DKK3: variants seen among roughly 807,000 people sequenced by gnomAD.
The protein encoded by DKK3 is dickkopf Wnt signaling pathway inhibitor 3.
DKK3 carries 22 observed loss-of-function variants against 33.2 expected under a neutral mutation model. That is an observed-to-expected ratio of 0.66 (90% CI 0.47 to 0.95). The LOEUF (loss-of-function observed/expected upper bound fraction) is 0.95, where lower values mean the gene tolerates loss of function less well. Among genes scored for constraint, DKK3 ranks in the 40% least tolerant of loss-of-function variants. DKK3 has a pLI of 0.00. For missense variants in DKK3, 398 were observed against 458.4 expected (o/e 0.87, Z 1.20); for synonymous variants, 194 against 188.8 (o/e 1.03, Z -0.23).
chr11:12,008,805 G>C, upstream of DKK3: 1 of 1,180,536 alleles, frequency 8.5e-7, no homozygotes. This position sits in a 1 kb window ranked among gnomAD's most constrained non-coding sequence, Gnocchi z 4.6. Flanking sequence ...GCTCCAGCCC[G>C]AGCCCCGATC....
At chr11:11,983,318 G>C (rs1181885653) in intron 3 of DKK3, among the ~76,000 whole-genome samples, 1 of 152,220 alleles carries the variant, frequency 6.6e-6, no homozygotes. Flanking sequence ...TGGTTCCTCA[G>C]GAGACAGTGC....
chr11:11,978,956 T>C (rs1450601323), intron 3 of DKK3: 2 of 152,094 alleles, frequency 1.3e-5, no homozygotes, highest in African/African-American at 4.8e-5. Context: ...GGAGCTGGGA[T>C]GTGAAGCAGC....
chr11:11,976,079 G>A (rs978051133), intron 3 of DKK3, among the ~76,000 whole-genome samples: 5 of 152,176 alleles, frequency 3.3e-5, no homozygotes, highest in Non-Finnish European at 5.9e-5. Context: ...CTTAACTCAC[G>A]GCAGGAGCTC....
At chr11:11,978,584 GC>G (rs1437531062) in intron 3 of DKK3, among the ~76,000 whole-genome samples, 1 of 150,842 alleles carries the variant, frequency 6.6e-6, no homozygotes, top group African/African-American at 2.4e-5. Context: ...TCTATATGTT[GC>G]CCAAGCTGGC....
intron 1 of DKK3, among the ~76,000 whole-genome samples, chr11:12,003,610 C>T (rs1338548708): frequency 1.3e-5 from 2 of 152,086 alleles, no homozygotes; most frequent in African/African-American, 4.8e-5. Context: ...AGGGAGGCCA[C>T]ATCATAGACT....
intron 3 of DKK3, among the ~76,000 whole-genome samples, chr11:11,974,532 C>A (rs1405727453): frequency 6.6e-6 from 1 of 152,246 alleles, no homozygotes; most frequent in East Asian, 1.9e-4. Context: ...GAAAAGGGGA[C>A]CAAACTTGCC....
In DKK3 at chr11:11,964,556, G is replaced by C. The variant is rs762894609; in HGVS notation, c.961C>G (p.Leu321Val). Residue 321 changes from leucine to valine, a missense_variant, in exon 7 of 7, where the codon CTG becomes GTG. Physicochemically the swap from Leu to Val is conservative, Grantham distance 32. Coordinates refer to ENST00000683431, the MANE Select transcript of DKK3 (RefSeq NM_001018057.2). Reference protein sequence around the residue: ...GSFMEEVRQELEDLERSLTEE... With the variant: ...GSFMEEVRQEVEDLERSLTEE... ...GTCAGGCTCCTCTCCAGGTCCTCCA[G>C]CTCCTGGCGCACCTCCTCCATGAAG... 2.5e-6 allele frequency: 4 copies of C among 1,614,160 alleles called. No homozygotes were observed. The South Asian group carries it at 4.4e-5, about 18-fold the overall frequency.
chr11:11,982,671 T>A lies in DKK3; in HGVS notation c.436-14184A>T, dbSNP rs10765916. 2.0e-5 allele frequency among the ~76,000 whole-genome samples: 3 copies of A among 152,026 alleles called. No individual in the cohort carries two copies. In the South Asian group the frequency reaches 6.2e-4, roughly 32 times the overall value. On this transcript the variant is annotated intron_variant, in intron 3 of 6. Transcript: ENST00000683431. ...CCACAGAGTTCTGGGCCTTCCCGCT[T>A]CCATGGGCCAGGGAGAGCACAGCCA...
chr11:11,972,180 T>C (rs1187987095), intron 3 of DKK3, among the ~76,000 whole-genome samples: 2 of 152,218 alleles, frequency 1.3e-5, no homozygotes, highest in African/African-American at 4.8e-5. Flanking sequence ...GCAGGAGCTG[T>C]TTTGCAGGGC....
chr11:11,979,185 G>A (rs1847902977), intron 3 of DKK3: 1 of 152,318 alleles, frequency 6.6e-6, no homozygotes. Flanking sequence ...CCAACCCGCA[G>A]GGAGCTCCAA....
In DKK3 at chr11:11,964,404, A is replaced by G; in HGVS notation, c.*60T>C. On this transcript the variant is annotated 3_prime_UTR_variant, in exon 7 of 7. Transcript: ENST00000683431. Reference sequence around the variant, plus strand: ...CCTGGTCAGCCCACGCCTAAAGCACACACCTGGGGAAATAAATTAGCTATT... The same window carrying G: ...CCTGGTCAGCCCACGCCTAAAGCACGCACCTGGGGAAATAAATTAGCTATT... 2.5e-6 allele frequency: 4 copies of G among 1,577,290 alleles called. No individual in the cohort carries two copies. Among genetic ancestry groups the G allele is most frequent in the Non-Finnish European group, 3.4e-6 (4 of 1,166,316 alleles).
At chr11:11,967,184 GCCAACCTGCAT>G in intron 4 of DKK3, 86 bp from the exon 5 acceptor site, 1 of 1,492,756 alleles carries the variant, frequency 6.7e-7, no homozygotes, top group South Asian at 1.3e-5. Context: ...CCACAGATAG[GCCAACCTGCAT>G]CCTCCCATTG....
intron 3 of DKK3, among the ~76,000 whole-genome samples, chr11:11,984,052 C>G (rs1848012279): frequency 6.6e-6 from 1 of 152,196 alleles, no homozygotes; most frequent in African/African-American, 2.4e-5. Flanking sequence ...CCATGTCTGT[C>G]TCTGTGACGA....
At chr11:11,998,924 T>C (rs1162321543) in intron 2 of DKK3, 145 bp from the exon 3 acceptor site, 1 of 688,118 alleles carries the variant, frequency 1.5e-6, no homozygotes, top group Non-Finnish European at 2.5e-6. Context: ...TCTTTCTGAG[T>C]TCCCCCAGCA....
chr11:11,975,418 G>A (rs1847812409), intron 3 of DKK3, among the ~76,000 whole-genome samples: 1 of 152,230 alleles, frequency 6.6e-6, no homozygotes, highest in Non-Finnish European at 1.5e-5. Flanking sequence ...CTGAAGGTTT[G>A]GGTGGGGCAT....
intron 4 of DKK3, among the ~76,000 whole-genome samples, chr11:11,967,918 G>C (rs1847636696): frequency 6.6e-6 from 1 of 152,182 alleles, no homozygotes. Context: ...AAGGAGAGCA[G>C]CTGCCGCTCT....
chr11:11,987,413 A>T (rs987702722), intron 3 of DKK3, among the ~76,000 whole-genome samples: 2 of 152,222 alleles, frequency 1.3e-5, no homozygotes, highest in African/African-American at 4.8e-5. Context: ...GGAGAAAACT[A>T]CATCCCTCCC....
chr11:11,987,411 C>T (rs955032425), intron 3 of DKK3, among the ~76,000 whole-genome samples: 1 of 152,206 alleles, frequency 6.6e-6, no homozygotes, highest in African/African-American at 2.4e-5. Context: ...TTGGAGAAAA[C>T]TACATCCCTC....
At chr11:12,007,884 G>A (rs575161578) in intron 1 of DKK3, among the ~76,000 whole-genome samples, 1 of 152,326 alleles carries the variant, frequency 6.6e-6, no homozygotes, top group South Asian at 2.1e-4. Flanking sequence ...AAGCAAGACA[G>A]CCCAGACAGA....
Sources: allele counts gnomAD v4.1 joint callset (sites outside exome capture counted in the v4.1 genomes callset), GRCh38; gene constraint gnomAD v4.1.1; non-coding constraint Gnocchi (gnomAD v3.1); transcripts MANE v1.5; gene names NCBI Gene and HGNC (gene_info 2026-07-23, HGNC 2026-07-21).